Variants in TRIM9 observed in about 807,000 individuals in gnomAD.
The protein encoded by TRIM9 is E3 ubiquitin-protein ligase TRIM9.
Under a neutral mutation model 78.3 loss-of-function variants are expected in TRIM9, and 26 were observed. That is an observed-to-expected ratio of 0.33 (90% confidence interval 0.24 to 0.46). The LOEUF (loss-of-function observed/expected upper bound fraction) is 0.46. TRIM9 is among the 20% of genes least tolerant of loss of function. The pLI is 1.00. For synonymous variants in TRIM9, 398 were observed against 416.5 expected (o/e 0.96, Z 0.54); for missense variants, 787 against 1,036.4 (o/e 0.76, Z 3.30).
chr14:51,082,612 G>A (rs1358193237), intron 1 of TRIM9, among the ~76,000 whole-genome samples: 2 of 152,148 alleles, frequency 1.3e-5, no homozygotes, highest in African/African-American at 4.8e-5. Context: ...GGAGTTGTGG[G>A]GTTTTAGTGG....
chr14:51,091,276 A>G (rs2064292557), intron 1 of TRIM9: 8 of 152,212 alleles, frequency 5.3e-5, no homozygotes. Context: ...AATAAACTGC[A>G]GCCATTTTAT....
chr14:51,006,779 T>C (rs2055857871), intron 5 of TRIM9, among the ~76,000 whole-genome samples: 1 of 152,206 alleles, frequency 6.6e-6, no homozygotes, highest in East Asian at 1.9e-4. Context: ...GGGAGAGGGT[T>C]CTGCGTTTTG....
intron 3 of TRIM9, among the ~76,000 whole-genome samples, chr14:51,018,028 T>G (rs775925767): frequency 6.6e-6 from 1 of 152,202 alleles, no homozygotes; most frequent in Non-Finnish European, 1.5e-5. Flanking sequence ...TAATTGTGGT[T>G]AAATAATTAG....
intron 8 of TRIM9, among the ~76,000 whole-genome samples, chr14:50,985,718 A>G (rs1219196887): frequency 6.6e-6 from 1 of 152,168 alleles, no homozygotes; most frequent in East Asian, 1.9e-4. Flanking sequence ...AACTTCACTC[A>G]TCACTTTCTA....
At chr14:51,027,177 T>C in intron 1 of TRIM9, among the ~76,000 whole-genome samples, 1 of 123,584 alleles carries the variant, frequency 8.1e-6, no homozygotes, top group Non-Finnish European at 1.6e-5. Context: ...AGAGTCTCAC[T>C]CTCTCACCCA....
chr14:51,019,610 C>G (rs1488147177), intron 3 of TRIM9, among the ~76,000 whole-genome samples: 3 of 152,194 alleles, frequency 2.0e-5, no homozygotes, highest in African/African-American at 7.2e-5. Context: ...TCATAGAAAA[C>G]AAGCCCCTGG....
intron 9 of TRIM9, 108 bp from the exon 10 acceptor site, chr14:50,983,073 A>G: frequency 9.3e-7 from 1 of 1,075,962 alleles, no homozygotes; most frequent in Non-Finnish European, 1.4e-6. Context: ...AAAGGACTCA[A>G]TTTAAAATGC....
At chr14:50,982,132 T>A in intron 10 of TRIM9, 29 bp from the exon 11 acceptor site, 1 of 1,609,024 alleles carries the variant, frequency 6.2e-7, no homozygotes, top group Non-Finnish European at 8.5e-7. Context: ...AATCAGGTTA[T>A]TAAGACAGAC....
At chr14:51,034,956 G>T (rs2059014814) in intron 1 of TRIM9, among the ~76,000 whole-genome samples, 1 of 152,180 alleles carries the variant, frequency 6.6e-6, no homozygotes, top group Non-Finnish European at 1.5e-5. Context: ...CTGGCACATA[G>T]TAAGTGTAAT....
At chr14:51,088,565 A>C (rs1221847498) in intron 1 of TRIM9, among the ~76,000 whole-genome samples, 1 of 152,142 alleles carries the variant, frequency 6.6e-6, no homozygotes, top group Non-Finnish European at 1.5e-5. Context: ...TTATTGGCAG[A>C]AGTTCGATTT....
intron 1 of TRIM9, among the ~76,000 whole-genome samples, chr14:51,047,270 C>T (rs1031885255): frequency 4.6e-5 from 7 of 152,200 alleles, no homozygotes; most frequent in African/African-American, 1.4e-4. Flanking sequence ...TCAAGCATTA[C>T]CTCCTCTGAA....
intron 2 of TRIM9, among the ~76,000 whole-genome samples, chr14:51,024,454 A>G (rs1292552454): frequency 6.6e-6 from 1 of 152,246 alleles, no homozygotes; most frequent in Non-Finnish European, 1.5e-5. Flanking sequence ...CTACCTTGAC[A>G]TGGTTAAATA....
chr14:51,067,096 T>C (rs1407022796), intron 1 of TRIM9, among the ~76,000 whole-genome samples: 1 of 152,186 alleles, frequency 6.6e-6, no homozygotes, highest in African/African-American at 2.4e-5. Context: ...TCTTCACCTG[T>C]ATGTCTATGA....
At chr14:51,029,899 A>G (rs755742260) in intron 1 of TRIM9, among the ~76,000 whole-genome samples, 1 of 152,204 alleles carries the variant, frequency 6.6e-6, no homozygotes, top group Non-Finnish European at 1.5e-5. Context: ...TCACAGGCCA[A>G]AACAATTGTT....
rs111725655 is a variant in TRIM9 at position 51,079,385 on chromosome 14, A to G, written c.822+14733T>C. On this transcript the variant is annotated intron_variant, in intron 1 of 12. Coordinates refer to ENST00000684578, the MANE Select transcript of TRIM9 (RefSeq NM_001387360.1). ...AATTATTCTTTACTTCCTGCCCTCA[A>G]TGTAAGTAGAACTTCCAGGTTCTAC... 9.5e-4 allele frequency among the ~76,000 whole-genome samples: 144 copies of G among 152,318 alleles called. 1 individual carries two copies. Among genetic ancestry groups the G allele is most frequent in the African/African-American group, 3.2e-3 (134 of 41,566 alleles).
intron 1 of TRIM9, among the ~76,000 whole-genome samples, chr14:51,083,337 G>A (rs539552943): frequency 2.6e-5 from 4 of 152,094 alleles, no homozygotes; most frequent in Admixed American, 1.3e-4. Context: ...CTGTAATCTC[G>A]AACTCCTGGG....
intron 1 of TRIM9, among the ~76,000 whole-genome samples, chr14:51,049,372 C>T (rs933040312): frequency 4.6e-5 from 7 of 152,100 alleles, no homozygotes; most frequent in South Asian, 2.1e-4. Context: ...AGGGTCTGTG[C>T]GTGCAGTGGA....
intron 8 of TRIM9, 63 bp downstream of exon 8, chr14:50,985,893 G>C (rs908915508): frequency 1.4e-5 from 19 of 1,331,286 alleles, no homozygotes; most frequent in Non-Finnish European, 1.8e-5. Flanking sequence ...AACAAGACAC[G>C]CGTTTCAGAG....
intron 3 of TRIM9, among the ~76,000 whole-genome samples, chr14:51,017,869 C>T (rs1425298708): frequency 3.3e-5 from 5 of 152,286 alleles, no homozygotes; most frequent in Non-Finnish European, 4.4e-5. Flanking sequence ...GGGGCTTCCT[C>T]GTGATTCCAT....
Sources: gnomAD v4.1 joint callset for allele counts (sites outside exome capture counted in the v4.1 genomes callset) on GRCh38, gnomAD v4.1.1 for gene constraint, MANE v1.5 for transcripts, NCBI Gene and HGNC (gene_info 2026-07-23, HGNC 2026-07-21) for gene names.